The following CCDC73 variants were observed in gnomAD, a reference collection of about 807,000 sequenced individuals.
CCDC73 encodes the protein coiled-coil domain-containing protein 73.
CCDC73 carries 95 observed loss-of-function variants against 116.5 expected under a neutral mutation model. That is an observed-to-expected ratio of 0.82 (90% CI 0.69 to 0.97). The LOEUF (loss-of-function observed/expected upper bound fraction) is 0.97. Ranked by LOEUF, CCDC73 falls within the 50% of genes least tolerant of loss-of-function variation. CCDC73 has a pLI of 0.00. For synonymous variants in CCDC73, 398 were observed against 401.3 expected, an observed-to-expected ratio of 0.99 and a Z score of 0.10; for missense variants, 1,066 against 1,206.8, an observed-to-expected ratio of 0.88 and a Z score of 1.73.
At chr11:32,815,498 G>A in the CCDC73 span, among the ~76,000 whole-genome samples, 1 of 152,194 alleles carries the variant, frequency 6.6e-6, no homozygotes, top group African/African-American at 2.4e-5. Flanking sequence ...ACTGCGCCCA[G>A]CCTATTTTGC....
chr11:32,705,625 T>C (rs1247605917), intron 3 of CCDC73, among the ~76,000 whole-genome samples: 1 of 152,040 alleles, frequency 6.6e-6, no homozygotes, highest in Non-Finnish European at 1.5e-5. Context: ...CCAGGTCAAG[T>C]GAATGGAACA....
intron 3 of CCDC73, among the ~76,000 whole-genome samples, chr11:32,703,456 T>G (rs186712857): frequency 1.3e-5 from 2 of 150,276 alleles, no homozygotes; most frequent in East Asian, 3.9e-4. Flanking sequence ...GCTTTTTTCA[T>G]GAAAAAAAAA....
intron 1 of CCDC73, among the ~76,000 whole-genome samples, chr11:32,775,966 C>A (rs187726233): frequency 6.6e-6 from 1 of 152,098 alleles, no homozygotes; most frequent in Non-Finnish European, 1.5e-5. Flanking sequence ...AATTTCATTG[C>A]GGTCAGTAGT....
At chr11:32,667,420 C>T (rs569408773) in intron 9 of CCDC73, among the ~76,000 whole-genome samples, 16 of 152,350 alleles carry the variant, frequency 1.1e-4, no homozygotes, top group Middle Eastern at 6.8e-3. Context: ...GACTGCTGTG[C>T]TAGCAGTGAG....
intron 10 of CCDC73, 133 bp downstream of exon 10, chr11:32,654,711 A>C: frequency 4.4e-6 from 3 of 684,736 alleles, no homozygotes; most frequent in Non-Finnish European, 6.8e-6. Context: ...TTAATAAAAA[A>C]ACAGATTAAT....
intron 2 of CCDC73, among the ~76,000 whole-genome samples, chr11:32,741,825 C>A (rs1220386887): frequency 6.6e-6 from 1 of 152,052 alleles, no homozygotes; most frequent in African/African-American, 2.4e-5. Context: ...CCACCCCCCA[C>A]AGGCCCCTGT....
In CCDC73 at chr11:32,659,621, A is replaced by C. The variant is rs111567599; in HGVS notation, c.646-4649T>G. Among the ~76,000 whole-genome samples the C allele has an allele frequency of 3.8e-4, 58 of 152,182 alleles. 1 individual carries two copies. The highest frequency in any genetic ancestry group is 8.2e-4 in the Non-Finnish European group (56 of 68,036). On this transcript the variant is annotated intron_variant, in intron 9 of 17. Transcript: ENST00000335185. ...TTTTAAACATCCATAAATTTGTACA[A>C]AACACAGTATTTGGTAATGAAAAAC...
rs146489358 is a variant in CCDC73, at chr11:32,658,972, A to C, written c.646-4000T>G. ...CACTGATGGAAGAGACAAAAAGTAT[A>C]TTTAAAATTACACAAAATAAGAGAC... On this transcript the variant is annotated intron_variant, in intron 9 of 17. Coordinates refer to ENST00000335185, the MANE Select transcript of CCDC73 (RefSeq NM_001008391.4). Among the ~76,000 whole-genome samples the C allele has an allele frequency of 2.5e-3, 384 of 152,342 alleles. 1 individual carries two copies. The highest frequency in any genetic ancestry group is 6.8e-3 in the Middle Eastern group (2 of 294).
Position 32,760,219 on chromosome 11 carries a change from A to T in CCDC73, c.25T>A (p.Ser9Thr). The change falls in exon 2 of 18, where the codon TCA (serine) becomes ACA (threonine). Residue 9 changes from serine to threonine, a missense_variant. By Grantham distance (58) the Ser-to-Thr change is moderately conservative. Transcript: ENST00000335185. Reference sequence around the variant, plus strand: ...CTTTGAAGAGTAAAAGTAGATGATGACTCAGTATTGAAGTTGCTTTCCATA... The same window carrying T: ...CTTTGAAGAGTAAAAGTAGATGATGTCTCAGTATTGAAGTTGCTTTCCATA... MESNFNTE[S>T]SSTFTLQSSS... 6.3e-7 allele frequency: 1 copy of T among 1,581,526 alleles called. No homozygotes were observed. The highest frequency in any genetic ancestry group is 8.6e-7 in the Non-Finnish European group (1 of 1,158,890).
At chr11:32,680,755 T>C (rs749062611) in intron 7 of CCDC73, 6 of 151,998 alleles carry the variant, frequency 3.9e-5, no homozygotes, top group Non-Finnish European at 8.8e-5. Flanking sequence ...GAGTAAACTT[T>C]AGAGGAAAAG....
At chr11:32,829,894 C>G in the CCDC73 span, 1 of 985,486 alleles carries the variant, frequency 1.0e-6, no homozygotes, top group South Asian at 4.7e-5. Flanking sequence ...TGGGGCGCGG[C>G]CAGGTGTCCC....
chr11:32,728,069 T>C (rs1469249899), intron 2 of CCDC73, among the ~76,000 whole-genome samples: 2 of 151,950 alleles, frequency 1.3e-5, no homozygotes, highest in African/African-American at 4.8e-5. Context: ...CTGAGCCACA[T>C]AAGGAGACCT....
At chr11:32,706,884 G>T (rs1849860355) in intron 3 of CCDC73, among the ~76,000 whole-genome samples, 1 of 152,112 alleles carries the variant, frequency 6.6e-6, no homozygotes, top group African/African-American at 2.4e-5. Flanking sequence ...GTTCTCTCCT[G>T]TTTTTTATTT....
At chr11:32,674,974 T>C (rs776694133) in intron 9 of CCDC73, among the ~76,000 whole-genome samples, 14 of 152,158 alleles carry the variant, frequency 9.2e-5, no homozygotes, top group Admixed American at 7.2e-4. Context: ...TACTAAACTC[T>C]TTCCTGTCTC....
chr11:32,779,166 G>C (rs1018109453), intron 1 of CCDC73, among the ~76,000 whole-genome samples: 1 of 151,600 alleles, frequency 6.6e-6, no homozygotes, highest in African/African-American at 2.4e-5. Flanking sequence ...AAACACCTAG[G>C]GCTGGTTGCA....
intron 9 of CCDC73, among the ~76,000 whole-genome samples, chr11:32,672,517 A>G (rs1856049113): frequency 6.6e-6 from 1 of 152,190 alleles, no homozygotes; most frequent in African/African-American, 2.4e-5. Context: ...TTTAATTACT[A>G]AAGTCATTGT....
chr11:32,764,784 G>A (rs2133381240), intron 1 of CCDC73, among the ~76,000 whole-genome samples: 1 of 152,260 alleles, frequency 6.6e-6, no homozygotes, highest in Non-Finnish European at 1.5e-5. Flanking sequence ...AAATGTAAAT[G>A]GGCTAAATGC....
chr11:32,697,440 A>G lies in CCDC73; in HGVS notation c.390+1811T>C, dbSNP rs1684673. On this transcript the variant is annotated intron_variant, in intron 6 of 17. Transcript: ENST00000335185. ...TATTCTTGACCCAGGATCCAATGAAAGTTCACATATTACAGCACTTGGTTG... is the reference window on the plus strand; with the variant it reads ...TATTCTTGACCCAGGATCCAATGAAGGTTCACATATTACAGCACTTGGTTG... Among the ~76,000 whole-genome samples, 1,103 of 150,674 alleles carry G rather than the reference A, an allele frequency of 7.3e-3. 19 individuals are homozygous for G. Among genetic ancestry groups the G allele is most frequent in the African/African-American group, 0.026 (1,048 of 41,048 alleles).
chr11:32,740,850 C>T (rs746361732), intron 2 of CCDC73, among the ~76,000 whole-genome samples: 54 of 151,784 alleles, frequency 3.6e-4, no homozygotes, highest in African/African-American at 1.3e-3. Flanking sequence ...TTGCTGTATC[C>T]CATAGGTTTT....
Sources: gnomAD v4.1 joint callset for allele counts (sites outside exome capture counted in the v4.1 genomes callset) on GRCh38, gnomAD v4.1.1 for gene constraint, MANE v1.5 for transcripts, NCBI Gene and HGNC (gene_info 2026-07-23, HGNC 2026-07-21) for gene names.